Variants in CYTH3 observed in about 807,000 individuals in gnomAD.
CYTH3 encodes the protein cytohesin-3.
A neutral mutation model predicts 55.1 loss-of-function variants in CYTH3; 23 were observed. That is an observed-to-expected ratio of 0.42 (90% CI 0.30 to 0.59). The LOEUF is 0.59. Among genes scored for constraint, CYTH3 ranks in the 20% least tolerant of loss-of-function variants. The probability of loss-of-function intolerance (pLI) is 0.20; values close to 1 mark genes in which losing one functional copy is unlikely to be tolerated. For missense variants in CYTH3, 413 were observed against 524.8 expected, an observed-to-expected ratio of 0.79 and a Z score of 2.08; for synonymous variants, 249 against 194.9, an observed-to-expected ratio of 1.28 and a Z score of -2.31.
At chr7:6,192,282 G>A (rs537191178) in intron 1 of CYTH3, among the ~76,000 whole-genome samples, 75 of 152,108 alleles carry the variant, frequency 4.9e-4, no homozygotes, top group African/African-American at 1.8e-3. Flanking sequence ...GTGAAATGCT[G>A]CAATGGCTCA....
At chr7:6,194,908 G>A (rs1783889643) in intron 1 of CYTH3, among the ~76,000 whole-genome samples, 1 of 152,122 alleles carries the variant, frequency 6.6e-6, no homozygotes, top group African/African-American at 2.4e-5. Context: ...CCAGGAGGTG[G>A]AAGTTGCAGT....
chr7:6,243,836 G>A (rs1004407353), intron 1 of CYTH3, among the ~76,000 whole-genome samples: 13 of 152,152 alleles, frequency 8.5e-5, no homozygotes, highest in Non-Finnish European at 2.9e-5. Context: ...GGTTTGAATC[G>A]TATGGAGTCA....
intron 1 of CYTH3, chr7:6,212,656 A>T (rs982472614): frequency 6.6e-6 from 1 of 152,226 alleles, no homozygotes; most frequent in Non-Finnish European, 1.5e-5. Context: ...AGTCAAATGC[A>T]GTAGTGAGAA....
At chr7:6,196,606 C>G (rs200250836) in intron 1 of CYTH3, among the ~76,000 whole-genome samples, 1 of 151,892 alleles carries the variant, frequency 6.6e-6, no homozygotes, top group African/African-American at 2.4e-5. Context: ...ATTATAGGCA[C>G]GCACCACCAT....
At chr7:6,244,953 TAA>T (rs1449598261) in intron 1 of CYTH3, among the ~76,000 whole-genome samples, 3 of 117,854 alleles carry the variant, frequency 2.5e-5, no homozygotes, top group South Asian at 2.9e-4. Context: ...CACGCCCGGC[TAA>T]TTTTTTTTTT....
chr7:6,230,682 G>A (rs1162858370), intron 1 of CYTH3, among the ~76,000 whole-genome samples: 1 of 152,050 alleles, frequency 6.6e-6, no homozygotes, highest in Non-Finnish European at 1.5e-5. Flanking sequence ...TACTACATGA[G>A]AAGGATCCAA....
At chr7:6,209,733 C>A (rs1460213627) in intron 1 of CYTH3, among the ~76,000 whole-genome samples, 1 of 152,044 alleles carries the variant, frequency 6.6e-6, no homozygotes, top group Non-Finnish European at 1.5e-5. Flanking sequence ...ATAGGTGACT[C>A]GATAAACTAT....
chr7:6,174,535 G>C (rs951027788), intron 5 of CYTH3, among the ~76,000 whole-genome samples: 17 of 140,714 alleles, frequency 1.2e-4, no homozygotes, highest in Non-Finnish European at 2.0e-4. Context: ...GTATCTCCTT[G>C]TGGGTTTTTT....
intron 1 of CYTH3, among the ~76,000 whole-genome samples, chr7:6,233,574 T>C (rs1407076963): frequency 6.7e-6 from 1 of 150,276 alleles, no homozygotes; most frequent in African/African-American, 2.5e-5. Context: ...GAGAATCGCT[T>C]GAACCCAGGA....
intron 1 of CYTH3, among the ~76,000 whole-genome samples, chr7:6,205,997 A>T (rs1426071319): frequency 1.3e-5 from 2 of 152,112 alleles, no homozygotes; most frequent in African/African-American, 4.8e-5. Context: ...CAAAACAGAA[A>T]ATAATACAGA....
chr7:6,227,028 T>C (rs542540028), intron 1 of CYTH3, among the ~76,000 whole-genome samples: 1 of 147,120 alleles, frequency 6.8e-6, no homozygotes, highest in Non-Finnish European at 1.5e-5. Flanking sequence ...TGCAGTGAGC[T>C]GAGATCGCGC....
intron 1 of CYTH3, among the ~76,000 whole-genome samples, chr7:6,221,968 A>C (rs1028937796): frequency 6.6e-6 from 1 of 152,196 alleles, no homozygotes; most frequent in South Asian, 2.1e-4. Flanking sequence ...AAAAACAAAA[A>C]AAACTAAAAA....
chr7:6,223,081 G>C (rs1013713711), intron 1 of CYTH3, among the ~76,000 whole-genome samples: 11 of 152,198 alleles, frequency 7.2e-5, no homozygotes, highest in Non-Finnish European at 1.5e-4. Flanking sequence ...ATGCAGATGC[G>C]GTCTGGCATG....
Position 6,194,995 on chromosome 7 carries a change from A to T in CYTH3, c.35-4464T>A, listed in dbSNP as rs533975485. 4.0e-3 allele frequency among the ~76,000 whole-genome samples: 613 copies of T among 152,146 alleles called. 6 individuals are homozygous for T. Among genetic ancestry groups the T allele is most frequent in the African/African-American group, 0.014 (590 of 41,546 alleles). ...CATCTCAAAAAATAAATAAATAAAT[A>T]ATTTTAAAAAAAGAAAAAAGAAAGA... On this transcript the variant is annotated intron_variant, in intron 1 of 12. Transcript: ENST00000350796.
chr7:6,251,066 G>A (rs1779949021), intron 1 of CYTH3, among the ~76,000 whole-genome samples: 1 of 152,208 alleles, frequency 6.6e-6, no homozygotes, highest in Non-Finnish European at 1.5e-5. Context: ...ACTGAGGTCA[G>A]GAGTTCAAGA....
chr7:6,208,367 T>C (rs906155484), intron 1 of CYTH3, among the ~76,000 whole-genome samples: 61 of 152,204 alleles, frequency 4.0e-4, no homozygotes, highest in African/African-American at 1.4e-3. Flanking sequence ...ATTGCTGCTC[T>C]ACAAGCAATG....
intron 4 of CYTH3, among the ~76,000 whole-genome samples, chr7:6,180,764 T>C (rs1783485468): frequency 6.6e-6 from 1 of 152,220 alleles, no homozygotes; most frequent in African/African-American, 2.4e-5. Context: ...ACAGCAGAAA[T>C]GGGGGCGGTG....
chr7:6,228,908 G>C (rs998311791), intron 1 of CYTH3, among the ~76,000 whole-genome samples: 3 of 152,168 alleles, frequency 2.0e-5, no homozygotes, highest in African/African-American at 7.2e-5. Context: ...GAGTTATTGA[G>C]GATGCAGTGA....
intron 1 of CYTH3, among the ~76,000 whole-genome samples, chr7:6,199,648 A>AT (rs1444173590): frequency 6.6e-6 from 1 of 152,234 alleles, no homozygotes; most frequent in East Asian, 1.9e-4. Context: ...GCAGTCCTTC[A>AT]TGCAGGGGGA....
Sources: gnomAD v4.1 joint callset for allele counts (sites outside exome capture counted in the v4.1 genomes callset) on GRCh38, gnomAD v4.1.1 for gene constraint, MANE v1.5 for transcripts, NCBI Gene and HGNC (gene_info 2026-07-23, HGNC 2026-07-21) for gene names.